Variants in ALDH1A2 observed in about 807,000 individuals in gnomAD.
ALDH1A2 encodes the protein aldehyde dehydrogenase 1 family member A2.
A neutral mutation model predicts 60.3 loss-of-function variants in ALDH1A2; 27 were observed. The observed-to-expected ratio is 0.45, with a 90% confidence interval of 0.33 to 0.62. The LOEUF is 0.62. Among genes scored for constraint, ALDH1A2 ranks in the 20% least tolerant of loss-of-function variants. ALDH1A2 has a pLI of 0.02. For missense variants in ALDH1A2, 581 were observed against 643.8 expected, an observed-to-expected ratio of 0.90 and a Z score of 1.06; for synonymous variants, 289 against 232.4, an observed-to-expected ratio of 1.24 and a Z score of -2.21.
At chr15:58,064,841 G>A (rs1364599387) in intron 1 of ALDH1A2, among the ~76,000 whole-genome samples, 4 of 150,568 alleles carry the variant, frequency 2.7e-5, no homozygotes, top group South Asian at 2.1e-4. Flanking sequence ...GCAAACCCAA[G>A]ATGTCAACGT....
intron 4 of ALDH1A2, among the ~76,000 whole-genome samples, chr15:58,006,033 T>C (rs1306773248): frequency 6.6e-6 from 1 of 151,892 alleles, no homozygotes; most frequent in African/African-American, 2.4e-5. Flanking sequence ...ATTTTTTTTT[T>C]TTTATTTCAA....
chr15:58,036,155 T>C (rs551797897), intron 1 of ALDH1A2, among the ~76,000 whole-genome samples: 45 of 151,860 alleles, frequency 3.0e-4, no homozygotes, highest in African/African-American at 8.9e-4. Context: ...GATGACATTA[T>C]TGTCTATGTA....
chr15:58,001,648 C>G (rs1470485422), intron 4 of ALDH1A2, among the ~76,000 whole-genome samples: 2 of 151,936 alleles, frequency 1.3e-5, no homozygotes, highest in African/African-American at 4.8e-5. Context: ...TTTATGCTAA[C>G]AATGGTCTCT....
At chr15:57,955,754 C>T (rs1566926154) in intron 12 of ALDH1A2, among the ~76,000 whole-genome samples, 1 of 152,132 alleles carries the variant, frequency 6.6e-6, no homozygotes, top group South Asian at 2.1e-4. Flanking sequence ...GCTTTCCTCC[C>T]CCAAGACGGA....
At chr15:57,980,620 G>A (rs554411523) in intron 7 of ALDH1A2, 6 of 225,016 alleles carry the variant, frequency 2.7e-5, no homozygotes, top group South Asian at 1.8e-4. Flanking sequence ...CATACTAGAC[G>A]CCTTTGTTGA....
At chr15:57,977,121 G>A (rs1566935074) in intron 7 of ALDH1A2, among the ~76,000 whole-genome samples, 2 of 147,688 alleles carry the variant, frequency 1.4e-5, no homozygotes, top group South Asian at 4.3e-4. Context: ...TTGTAAACTT[G>A]TTTAAGTTCC....
At chr15:57,994,391 C>A (rs1894986137) in intron 5 of ALDH1A2, among the ~76,000 whole-genome samples, 1 of 152,172 alleles carries the variant, frequency 6.6e-6, no homozygotes, top group African/African-American at 2.4e-5. Context: ...CTTGTCTATA[C>A]TGTAAGAGTT....
intron 4 of ALDH1A2, among the ~76,000 whole-genome samples, chr15:57,997,819 T>G (rs1215758290): frequency 5.9e-5 from 9 of 151,974 alleles, no homozygotes; most frequent in African/African-American, 2.2e-4. Context: ...GTTCACATAT[T>G]TGAAAAGCAT....
At chr15:57,979,876 T>C (rs1050106766) in intron 7 of ALDH1A2, 1 of 335,306 alleles carries the variant, frequency 3.0e-6, no homozygotes, top group Non-Finnish European at 6.2e-6. Context: ...CTGGCTACTA[T>C]GGTTGGTACC....
chr15:58,010,120 G>A (rs1895582142), intron 4 of ALDH1A2, among the ~76,000 whole-genome samples: 1 of 152,120 alleles, frequency 6.6e-6, no homozygotes, highest in Non-Finnish European at 1.5e-5. Context: ...AGTGTTGTTT[G>A]TATAGATTAT....
intron 4 of ALDH1A2, among the ~76,000 whole-genome samples, chr15:58,005,842 C>CA (rs1292150977): frequency 6.6e-6 from 1 of 151,744 alleles, no homozygotes; most frequent in Non-Finnish European, 1.5e-5. Flanking sequence ...TCAAGTGTTC[C>CA]AGAACATTTA....
chr15:58,037,629 T>TAG (rs1896410000), intron 1 of ALDH1A2, among the ~76,000 whole-genome samples: 1 of 151,796 alleles, frequency 6.6e-6, no homozygotes, highest in Non-Finnish European at 1.5e-5. Flanking sequence ...ATCATAATTC[T>TAG]ATTTGCAGAC....
At chr15:58,059,396 A>C (rs1409854883) in intron 1 of ALDH1A2, among the ~76,000 whole-genome samples, 1 of 152,194 alleles carries the variant, frequency 6.6e-6, no homozygotes, top group Non-Finnish European at 1.5e-5. Context: ...CTGCTCCTGG[A>C]AAATGCTCTC....
chr15:57,989,755 G>T (rs111809946), intron 7 of ALDH1A2, among the ~76,000 whole-genome samples: 1 of 152,188 alleles, frequency 6.6e-6, no homozygotes, highest in African/African-American at 2.4e-5. Flanking sequence ...AAATTGTTTT[G>T]AAGTAACTAA....
chr15:57,963,553 C>T (rs1438324309), intron 9 of ALDH1A2, among the ~76,000 whole-genome samples: 4 of 151,912 alleles, frequency 2.6e-5, no homozygotes, highest in Non-Finnish European at 5.9e-5. Flanking sequence ...CCATATTAGC[C>T]AGGATGGTCT....
intron 9 of ALDH1A2, among the ~76,000 whole-genome samples, chr15:57,962,390 G>A (rs772415740): frequency 1.5e-4 from 23 of 152,072 alleles, no homozygotes; most frequent in Non-Finnish European, 2.8e-4. Flanking sequence ...TCCAATAAAT[G>A]TACTGCTCTG....
chr15:58,055,255 A>G (rs544558060), intron 1 of ALDH1A2, among the ~76,000 whole-genome samples: 2 of 152,226 alleles, frequency 1.3e-5, no homozygotes, highest in African/African-American at 4.8e-5. Flanking sequence ...TATTAATACA[A>G]TATCCACATC....
intron 1 of ALDH1A2, among the ~76,000 whole-genome samples, chr15:58,032,098 A>G (rs1896255561): frequency 1.3e-5 from 2 of 152,172 alleles, no homozygotes; most frequent in Non-Finnish European, 1.5e-5. Flanking sequence ...AAGACTTGGA[A>G]CCAACCCAAA....
intron 7 of ALDH1A2, among the ~76,000 whole-genome samples, chr15:57,969,627 G>A (rs1307419263): frequency 6.6e-6 from 1 of 152,158 alleles, no homozygotes; most frequent in Admixed American, 6.5e-5. Flanking sequence ...AGTTAATAGA[G>A]CTGTACTTGA....
Sources: allele counts gnomAD v4.1 joint callset (sites outside exome capture counted in the v4.1 genomes callset), GRCh38; gene constraint gnomAD v4.1.1; transcripts MANE v1.5; gene names NCBI Gene and HGNC (gene_info 2026-07-23, HGNC 2026-07-21).